DGKB: variants seen among roughly 807,000 people sequenced by gnomAD.
DGKB encodes the protein 90 kDa diacylglycerol kinase.
A neutral mutation model predicts 114.3 loss-of-function variants in DGKB; 67 were observed. That is an observed-to-expected ratio of 0.59 (90% CI 0.48 to 0.72). DGKB has a LOEUF of 0.72. Among genes scored for constraint, DGKB ranks in the 30% least tolerant of loss-of-function variants. The pLI is 0.00. For missense variants in DGKB, 907 were observed against 975.2 expected, an observed-to-expected ratio of 0.93 and a Z score of 0.93; for synonymous variants, 398 against 323.1, an observed-to-expected ratio of 1.23 and a Z score of -2.49.
At chr7:14,431,947 T>A (rs755424568) in intron 21 of DGKB, among the ~76,000 whole-genome samples, 1 of 151,560 alleles carries the variant, frequency 6.6e-6, no homozygotes, top group African/African-American at 2.4e-5. Context: ...TATTTATAAA[T>A]GTACATTTTG....
intron 23 of DGKB, among the ~76,000 whole-genome samples, chr7:14,290,408 C>T (rs1801579717): frequency 6.6e-6 from 1 of 152,034 alleles, no homozygotes; most frequent in Non-Finnish European, 1.5e-5. Flanking sequence ...CAATACCACT[C>T]ACAAAAAGCT....
At chr7:14,539,867 A>G (rs1793132840) in intron 20 of DGKB, among the ~76,000 whole-genome samples, 2 of 151,966 alleles carry the variant, frequency 1.3e-5, no homozygotes, top group African/African-American at 4.8e-5. Context: ...AGGGTATAAT[A>G]CTCAGGTTTT....
At chr7:14,621,306 AAC>A in intron 15 of DGKB, 70 bp downstream of exon 15, 1 of 842,666 alleles carries the variant, frequency 1.2e-6, no homozygotes, top group Non-Finnish European at 2.0e-6. Context: ...TTGATAGCTG[AAC>A]ATATGCCCCT....
chr7:14,232,427 T>C (rs1355720547), intron 23 of DGKB, among the ~76,000 whole-genome samples: 2 of 151,304 alleles, frequency 1.3e-5, no homozygotes, highest in Non-Finnish European at 2.9e-5. Context: ...GGCTTATTAT[T>C]ATTATTATTA....
chr7:14,845,004 G>T (rs1848440388), intron 1 of DGKB, among the ~76,000 whole-genome samples: 1 of 151,006 alleles, frequency 6.6e-6, no homozygotes, highest in African/African-American at 2.4e-5. Context: ...CTACTCAGGA[G>T]GCTGAGGTGG....
chr7:14,385,257 G>C (rs1486654469), intron 21 of DGKB, among the ~76,000 whole-genome samples: 3 of 152,068 alleles, frequency 2.0e-5, no homozygotes, highest in Non-Finnish European at 4.4e-5. Context: ...AAAAGTACTA[G>C]AGGAAGAACA....
chr7:14,210,644 C>T (rs17167979), intron 23 of DGKB, among the ~76,000 whole-genome samples: 4,355 of 152,038 alleles, frequency 0.029, 195 homozygotes, highest in African/African-American at 0.099. Context: ...CATTAGTCTC[C>T]GCAACATCAA....
chr7:14,293,955 A>G (rs1410584615), intron 23 of DGKB, among the ~76,000 whole-genome samples: 1 of 152,196 alleles, frequency 6.6e-6, no homozygotes, highest in Non-Finnish European at 1.5e-5. Context: ...TTAAAGCAAC[A>G]CAGATTTCTT....
intron 23 of DGKB, among the ~76,000 whole-genome samples, chr7:14,307,446 A>G (rs1289599705): frequency 6.6e-6 from 1 of 152,208 alleles, no homozygotes; most frequent in African/African-American, 2.4e-5. Flanking sequence ...ATAGCGTTAA[A>G]TAACAGTAAA....
At chr7:14,448,040 C>T (rs916337000) in intron 21 of DGKB, among the ~76,000 whole-genome samples, 1 of 152,076 alleles carries the variant, frequency 6.6e-6, no homozygotes, top group Non-Finnish European at 1.5e-5. Context: ...ATTCACTAAT[C>T]TGCTCATTAG....
intron 21 of DGKB, among the ~76,000 whole-genome samples, chr7:14,381,389 G>A (rs936937927): frequency 6.6e-6 from 1 of 152,160 alleles, no homozygotes. Flanking sequence ...AATGTCCTCT[G>A]TGTGTTGGAT....
At chr7:14,232,994 T>A (rs1009166678) in intron 23 of DGKB, among the ~76,000 whole-genome samples, 6 of 152,070 alleles carry the variant, frequency 3.9e-5, no homozygotes, top group Non-Finnish European at 8.8e-5. Context: ...CTGGTCACTC[T>A]GAAATAGCAT....
intron 21 of DGKB, among the ~76,000 whole-genome samples, chr7:14,445,930 A>G (rs1380667387): frequency 1.3e-5 from 2 of 151,858 alleles, no homozygotes; most frequent in Non-Finnish European, 2.9e-5. Flanking sequence ...TAGAAGTTCT[A>G]CCAAAAGTGA....
chr7:14,536,042 A>C (rs1240369422), intron 20 of DGKB, among the ~76,000 whole-genome samples: 1 of 152,324 alleles, frequency 6.6e-6, no homozygotes, highest in Non-Finnish European at 1.5e-5. Flanking sequence ...ATATGCTAAC[A>C]AATTGGACAA....
At chr7:14,296,310 G>A (rs542234232) in intron 23 of DGKB, among the ~76,000 whole-genome samples, 1 of 152,216 alleles carries the variant, frequency 6.6e-6, no homozygotes, top group South Asian at 2.1e-4. Context: ...TATTACAGGC[G>A]TGAGCCACCA....
At chr7:14,221,342 T>C (rs573891508) in intron 23 of DGKB, among the ~76,000 whole-genome samples, 1 of 151,462 alleles carries the variant, frequency 6.6e-6, no homozygotes, top group South Asian at 2.1e-4. Context: ...TCAGGTTGAG[T>C]ACTCTCTATT....
At chr7:14,933,319 A>T (rs1341575339) in intron 1 of DGKB, among the ~76,000 whole-genome samples, 2 of 152,140 alleles carry the variant, frequency 1.3e-5, no homozygotes, top group Non-Finnish European at 2.9e-5. Flanking sequence ...GACATGTCCT[A>T]TTCCTTCTCT....
At chr7:14,783,698 C>T (rs572387997) in intron 2 of DGKB, among the ~76,000 whole-genome samples, 1 of 152,258 alleles carries the variant, frequency 6.6e-6, no homozygotes, top group East Asian at 1.9e-4. Context: ...TGGCAATTAC[C>T]TTTCTCCACA....
intron 1 of DGKB, among the ~76,000 whole-genome samples, chr7:14,947,126 G>T (rs61360375): frequency 0.04 from 6,020 of 151,440 alleles, 347 homozygotes; most frequent in African/African-American, 0.13. Context: ...ACATTTACTA[G>T]GAAAGCAAAA....
Sources: gnomAD v4.1 joint callset for allele counts (sites outside exome capture counted in the v4.1 genomes callset) on GRCh38, gnomAD v4.1.1 for gene constraint, MANE v1.5 for transcripts, NCBI Gene and HGNC (gene_info 2026-07-23, HGNC 2026-07-21) for gene names.